Variants in SLC13A1 observed in about 807,000 individuals in gnomAD.
SLC13A1 encodes solute carrier family 13 member 1.
In SLC13A1, 65 loss-of-function variants were observed where a neutral mutation model predicts 70.0. The observed-to-expected ratio is 0.93, with a 90% CI of 0.76 to 1.14. The LOEUF is 1.14. SLC13A1 is among the 50% of genes most tolerant of loss of function. SLC13A1 has a pLI of 0.00. For missense variants in SLC13A1, 726 were observed against 717.8 expected, an observed-to-expected ratio of 1.01 and a Z score of -0.13; for synonymous variants, 275 against 250.5, an observed-to-expected ratio of 1.10 and a Z score of -0.92.
rs994988868 is a variant in SLC13A1, at chr7:123,113,806, A to G, written c.*1712T>C. On this transcript the variant is annotated 3_prime_UTR_variant, in exon 15 of 15. Coordinates refer to ENST00000194130, the MANE Select transcript of SLC13A1 (RefSeq NM_022444.4). Reference sequence around the variant, plus strand: ...TTTGCATTGGCCCATTAATAAACATAGATAAATAATGAACATGGCCAATTA... The same window carrying G: ...TTTGCATTGGCCCATTAATAAACATGGATAAATAATGAACATGGCCAATTA... 2 of 152,206 alleles carry G rather than the reference A, an allele frequency of 1.3e-5. No individual in the cohort carries two copies. The highest frequency in any genetic ancestry group is 4.8e-5 in the African/African-American group (2 of 41,456). The allele number at this position is 152,206 out of a possible 1,614,324, so 9.4% of individuals were successfully genotyped here.
chr7:123,167,556 A>C lies in SLC13A1; in HGVS notation c.660+818T>G, dbSNP rs533031753. ...CTTTCCTATTCCTAATGCCATAGTTACTATAGGAGTATTTCTATGTGGGAT... is the reference window on the plus strand; with the variant it reads ...CTTTCCTATTCCTAATGCCATAGTTCCTATAGGAGTATTTCTATGTGGGAT... On this transcript the variant is annotated intron_variant, in intron 6 of 14. Transcript: ENST00000194130. 2.6e-5 allele frequency among the ~76,000 whole-genome samples: 4 copies of C among 152,252 alleles called. No homozygotes were observed. In the East Asian group the frequency reaches 7.7e-4, roughly 29 times the overall value.
At chr7:123,185,069 C>T (rs2116635946) in intron 1 of SLC13A1, among the ~76,000 whole-genome samples, 1 of 152,000 alleles carries the variant, frequency 6.6e-6, no homozygotes, top group African/African-American at 2.4e-5. Context: ...TACCTGTTTG[C>T]CATATGTATG....
At chr7:123,147,091 G>A (rs1794378801) in intron 7 of SLC13A1, 68 bp downstream of exon 7, 5 of 1,489,822 alleles carry the variant, frequency 3.4e-6, no homozygotes, top group Non-Finnish European at 2.7e-6. Context: ...TCTGAATCAG[G>A]TAAGAATAAT....
rs569765819 is a variant in SLC13A1, at chr7:123,160,863, A to G, written c.660+7511T>C. Among the ~76,000 whole-genome samples the G allele has an allele frequency of 5.3e-5, 8 of 152,262 alleles. No homozygotes were observed. In the South Asian group the frequency reaches 1.2e-3, roughly 24 times the overall value. The stretch of plus-strand genomic sequence containing the variant: ...GTGAAAAAAATCTAGTATAATGGAA[A>G]TCAGAAAACACAAAACTGAAAAATA... On this transcript the variant is annotated intron_variant, in intron 6 of 14. Transcript: ENST00000194130.
chr7:123,188,228 T>G (rs1795877764), intron 1 of SLC13A1, among the ~76,000 whole-genome samples: 1 of 152,224 alleles, frequency 6.6e-6, no homozygotes, highest in Non-Finnish European at 1.5e-5. Flanking sequence ...CCTGCTGCCT[T>G]GTGAAGAAGT....
At chr7:123,146,317 G>C (rs541096032) in intron 7 of SLC13A1, among the ~76,000 whole-genome samples, 85 of 152,264 alleles carry the variant, frequency 5.6e-4, no homozygotes, top group African/African-American at 2.0e-3. Context: ...TTGAGATCAG[G>C]AGTTTGAGAC....
intron 7 of SLC13A1, among the ~76,000 whole-genome samples, chr7:123,140,072 T>G (rs558448817): frequency 7.0e-6 from 1 of 142,140 alleles, no homozygotes; most frequent in African/African-American, 2.4e-5. Flanking sequence ...GTATACAGCT[T>G]CTTTTTTTAA....
At chr7:123,153,345 C>G (rs902872667) in intron 6 of SLC13A1, among the ~76,000 whole-genome samples, 1 of 152,056 alleles carries the variant, frequency 6.6e-6, no homozygotes, top group Admixed American at 6.6e-5. Flanking sequence ...AAAAATTCTA[C>G]AGTAAATGCT....
At chr7:123,188,269 A>C (rs979876901) in intron 1 of SLC13A1, among the ~76,000 whole-genome samples, 1 of 152,050 alleles carries the variant, frequency 6.6e-6, no homozygotes. Flanking sequence ...CATTATTGTA[A>C]GTTTCTTGAG....
chr7:123,156,202 T>G (rs2116471089), intron 6 of SLC13A1, among the ~76,000 whole-genome samples: 1 of 152,236 alleles, frequency 6.6e-6, no homozygotes, highest in Admixed American at 6.6e-5. Flanking sequence ...TCCACTCATC[T>G]TTTTACTTTC....
intron 7 of SLC13A1, among the ~76,000 whole-genome samples, chr7:123,145,306 A>G (rs1020880426): frequency 2.6e-5 from 4 of 152,184 alleles, no homozygotes; most frequent in African/African-American, 9.7e-5. Context: ...TGAGCTTGAA[A>G]TCTGAATTGA....
At chr7:123,133,121 G>A (rs1361722100) in intron 8 of SLC13A1, among the ~76,000 whole-genome samples, 1 of 152,064 alleles carries the variant, frequency 6.6e-6, no homozygotes, top group African/African-American at 2.4e-5. Flanking sequence ...GGATCTTACT[G>A]ATTTTCTGGG....
At chr7:123,193,311 A>AT (rs1175498709) in intron 1 of SLC13A1, among the ~76,000 whole-genome samples, 2 of 128,568 alleles carry the variant, frequency 1.6e-5, no homozygotes, top group Non-Finnish European at 3.5e-5. Flanking sequence ...CATTTTATAA[A>AT]TAAAAAAAAA....
At chr7:123,160,616 C>T (rs186659387) in intron 6 of SLC13A1, among the ~76,000 whole-genome samples, 23 of 152,142 alleles carry the variant, frequency 1.5e-4, no homozygotes, top group African/African-American at 4.8e-4. Flanking sequence ...TGGAAAACAT[C>T]GAACCTAATT....
At chr7:123,158,994 C>A (rs1369635031) in intron 6 of SLC13A1, among the ~76,000 whole-genome samples, 1 of 151,560 alleles carries the variant, frequency 6.6e-6, no homozygotes, top group Non-Finnish European at 1.5e-5. Context: ...CAATGGTGAA[C>A]AAAGATATTA....
chr7:123,147,029 GT>G, intron 7 of SLC13A1, 129 bp downstream of exon 7: 1 of 849,402 alleles, frequency 1.2e-6, no homozygotes, highest in Admixed American at 2.8e-5. Context: ...ATCTATAGAT[GT>G]CCTGAAGGGA....
intron 6 of SLC13A1, among the ~76,000 whole-genome samples, chr7:123,163,383 A>G (rs764946225): frequency 2.0e-5 from 3 of 152,072 alleles, no homozygotes; most frequent in Non-Finnish European, 2.9e-5. Context: ...TATTTGGGCC[A>G]TGGCCTATAG....
chr7:123,187,592 A>G (rs1407840665), intron 1 of SLC13A1, among the ~76,000 whole-genome samples: 3 of 152,120 alleles, frequency 2.0e-5, no homozygotes, highest in Admixed American at 2.0e-4. Context: ...TATCCTTTCC[A>G]TTCATGTTTT....
chr7:123,124,979 A>T (rs111337233), intron 11 of SLC13A1, among the ~76,000 whole-genome samples: 1,859 of 151,936 alleles, frequency 0.012, 36 homozygotes, highest in African/African-American at 0.041. Context: ...CTGGGGTCTC[A>T]CCATGCTGCC....
Sources: gnomAD v4.1 joint callset for allele counts (sites outside exome capture counted in the v4.1 genomes callset) on GRCh38, gnomAD v4.1.1 for gene constraint, MANE v1.5 for transcripts, NCBI Gene and HGNC (gene_info 2026-07-23, HGNC 2026-07-21) for gene names.